NDC80: variants seen among roughly 807,000 people sequenced by gnomAD.
NDC80 encodes NDC80 kinetochore complex component, also known as kinetochore protein NDC80 homolog.
Under a neutral mutation model 89.3 loss-of-function variants are expected in NDC80, and 69 were observed. The ratio of observed to expected loss-of-function variants is 0.77; its 90% CI spans 0.64 to 0.94. The LOEUF is 0.94. Ranked by LOEUF, NDC80 falls within the 40% of genes least tolerant of loss-of-function variation. The pLI is 0.00. For missense variants in NDC80, 593 were observed against 739.6 expected (o/e 0.80, Z 2.30); for synonymous variants, 243 against 255.6 (o/e 0.95, Z 0.47).
intron 16 of NDC80, among the ~76,000 whole-genome samples, chr18:2,612,276 C>CTTTTTTTTTTTTTTTTTTTTT (rs55648444): frequency 9.9e-5 from 6 of 60,396 alleles, no homozygotes; most frequent in Admixed American, 2.7e-4. Flanking sequence ...TCTTTTCTTT[C>CTTTTTTTTTTTTTTTTTTTTT]TTTTTTTTTT....
At chr18:2,588,264 A>G (rs1206766812) in intron 8 of NDC80, among the ~76,000 whole-genome samples, 1 of 152,248 alleles carries the variant, frequency 6.6e-6, no homozygotes, top group Non-Finnish European at 1.5e-5. Flanking sequence ...AGCAAATGCT[A>G]TTCCTCTTGG....
chr18:2,598,938 A>G, intron 11 of NDC80, 81 bp from the exon 12 acceptor site: 1 of 1,344,842 alleles, frequency 7.4e-7, no homozygotes, highest in Admixed American at 2.7e-5. Flanking sequence ...TATGTTTTGT[A>G]TAAAATTTTA....
In NDC80 at chr18:2,590,126, A is replaced by C. The variant is rs755797950; in HGVS notation, c.979A>C (p.Lys327Gln). 1 of 1,611,778 alleles carries C rather than the reference A, an allele frequency of 6.2e-7. No individual in the cohort carries two copies. The highest frequency in any genetic ancestry group is 1.7e-5 in the Admixed American group (1 of 59,604). ...LESHSAILDQ[K>Q]LNGLNEEIAR... ...GTCTCATTCAGCCATTCTTGACCAG[A>C]AATTAAATGGTCTCAATGAGGAAAT... The change falls in exon 10 of 17, where the codon AAA becomes CAA. Residue 327 changes from lysine to glutamine, a missense_variant. Physicochemically the swap from Lys to Gln is moderately conservative, Grantham distance 53. Coordinates refer to ENST00000261597, the MANE Select transcript of NDC80 (RefSeq NM_006101.3).
intron 14 of NDC80, 24 bp from the exon 15 acceptor site, chr18:2,608,676 A>G (rs772692745): frequency 4.7e-5 from 75 of 1,601,656 alleles, no homozygotes; most frequent in Non-Finnish European, 6.4e-5. Context: ...CAAGAAACCC[A>G]TAACCGTGAC....
chr18:2,580,266 A>C (rs941299675), intron 6 of NDC80, among the ~76,000 whole-genome samples: 1 of 151,798 alleles, frequency 6.6e-6, no homozygotes, highest in African/African-American at 2.4e-5. Flanking sequence ...GCCATTTTGC[A>C]AGTCAAAAAT....
chr18:2,584,371 G>A (rs547686247), intron 6 of NDC80, among the ~76,000 whole-genome samples: 3 of 149,760 alleles, frequency 2.0e-5, no homozygotes, highest in African/African-American at 7.4e-5. Flanking sequence ...TTTATATCTA[G>A]TATATCTGTG....
At chr18:2,602,626 C>T (rs1259753486) in intron 13 of NDC80, among the ~76,000 whole-genome samples, 1 of 152,074 alleles carries the variant, frequency 6.6e-6, no homozygotes, top group East Asian at 1.9e-4. Flanking sequence ...ATATCTAAAA[C>T]ATCTTTTAGA....
At chr18:2,603,240 G>C (rs903552681) in intron 13 of NDC80, among the ~76,000 whole-genome samples, 2 of 151,716 alleles carry the variant, frequency 1.3e-5, no homozygotes, top group Admixed American at 6.6e-5. Flanking sequence ...GCAGAGGATT[G>C]AATCCTAAAG....
In NDC80 at chr18:2,578,925, A is replaced by G; in HGVS notation, c.477-2A>G. The G allele has an allele frequency of 6.8e-7, 1 of 1,464,874 alleles. No homozygotes were observed. The highest frequency in any genetic ancestry group is 9.1e-7 in the Non-Finnish European group (1 of 1,097,162). The allele number at this position is 1,464,874 out of a possible 1,614,324, so 90.7% of individuals were successfully genotyped here. A position where few individuals can be genotyped will look rare whatever the true frequency, so the allele number is the denominator to read the frequency against. On this transcript the variant is annotated splice_acceptor_variant, in intron 5 of 16. Coordinates refer to ENST00000261597, the MANE Select transcript of NDC80 (RefSeq NM_006101.3). LOFTEE classifies it high-confidence loss of function. The stretch of plus-strand genomic sequence containing the variant: ...AGCTTATGTTTTTCTGATTTCTCAT[A>G]GGTATCCTTTTGCACTATCCAAAAG...
intron 16 of NDC80, among the ~76,000 whole-genome samples, chr18:2,612,805 C>G (rs1399997784): frequency 6.6e-6 from 1 of 152,136 alleles, no homozygotes; most frequent in Non-Finnish European, 1.5e-5. Context: ...AAGCACTAAG[C>G]GCTTACTTTG....
At chr18:2,614,439 A>AAAAG (rs758768165) in intron 16 of NDC80, 254 of 24,566 alleles carry the variant, frequency 0.01, 15 homozygotes, top group South Asian at 0.016. Context: ...CTGTCTCAAA[A>AAAAG]AAAGAAAGAA....
At chr18:2,608,351 G>T (rs149826536) in intron 14 of NDC80, among the ~76,000 whole-genome samples, 1 of 151,800 alleles carries the variant, frequency 6.6e-6, no homozygotes, top group African/African-American at 2.4e-5. Context: ...GATTACAGGT[G>T]CATGCCACCA....
At chr18:2,598,236 T>C (rs190822313) in intron 11 of NDC80, among the ~76,000 whole-genome samples, 46 of 152,324 alleles carry the variant, frequency 3.0e-4, no homozygotes, top group East Asian at 5.8e-4. Flanking sequence ...AGAAACGAAG[T>C]ATGTGTTTAA....
chr18:2,582,263 G>C (rs1441517142), intron 6 of NDC80: 2 of 152,114 alleles, frequency 1.3e-5, no homozygotes, highest in African/African-American at 4.8e-5. Context: ...TTTCAGTAGA[G>C]ACAGCGTGTC....
chr18:2,598,041 C>T (rs2072666227), intron 11 of NDC80, among the ~76,000 whole-genome samples: 1 of 152,196 alleles, frequency 6.6e-6, no homozygotes, highest in Non-Finnish European at 1.5e-5. Context: ...ATGGGTAATA[C>T]ATTACCAATT....
chr18:2,587,646 G>T (rs1056108272), intron 7 of NDC80, among the ~76,000 whole-genome samples, 184 bp from the exon 8 acceptor site: 29 of 152,042 alleles, frequency 1.9e-4, no homozygotes, highest in Non-Finnish European at 1.2e-4. Context: ...AGAAGTAGCA[G>T]ACTAAATAAG....
intron 15 of NDC80, 108 bp downstream of exon 15, chr18:2,608,938 T>C: frequency 2.5e-6 from 3 of 1,207,458 alleles, no homozygotes; most frequent in Non-Finnish European, 2.2e-6. Flanking sequence ...TATACAGCTA[T>C]TTAGGATGGA....
intron 6 of NDC80, 94 bp downstream of exon 6, chr18:2,579,123 A>C: frequency 3.5e-5 from 23 of 656,008 alleles, no homozygotes; most frequent in Non-Finnish European, 4.3e-5. Context: ...CAGTATTCTC[A>C]AAGTCTGCTT....
Position 2,610,830 on chromosome 18 carries a change from A to G in NDC80, c.1760A>G (p.Glu587Gly). The G allele has an allele frequency of 6.3e-7, 1 of 1,589,172 alleles. No individual in the cohort carries two copies. The highest frequency in any genetic ancestry group is 8.6e-7 in the Non-Finnish European group (1 of 1,162,422). The part of the protein sequence containing the change: ...KVGNNLQRLL[E>G]MVATHVGSVE... ...GGAAATAACTTGCAACGTCTGTTAG[A>G]GATGGTTGCTACACATGTTGGGTCT... The change falls in exon 16 of 17, where the codon GAG (glutamate) becomes GGG (glycine). Residue 587 changes from glutamate (E) to glycine (G), a missense_variant. Physicochemically the swap from Glu to Gly is moderately conservative, Grantham distance 98. Coordinates refer to ENST00000261597, the MANE Select transcript of NDC80 (RefSeq NM_006101.3).
Sources: allele counts gnomAD v4.1 joint callset (sites outside exome capture counted in the v4.1 genomes callset), GRCh38; gene constraint gnomAD v4.1.1; transcripts MANE v1.5; gene names NCBI Gene and HGNC (gene_info 2026-07-23, HGNC 2026-07-21).